The following CABCOCO1 variants were observed in gnomAD, a reference collection of about 807,000 sequenced individuals.
CABCOCO1 encodes ciliary associated calcium binding coiled-coil 1, also known as ciliary-associated calcium-binding coiled-coil protein 1.
CABCOCO1 carries 28 observed loss-of-function variants against 35.7 expected under a neutral mutation model. The ratio of observed to expected loss-of-function variants is 0.78; its 90% CI spans 0.58 to 1.07. CABCOCO1 has a LOEUF of 1.07. Ranked by LOEUF, CABCOCO1 falls within the 50% of genes least tolerant of loss-of-function variation. CABCOCO1 has a pLI of 0.00. For synonymous variants in CABCOCO1, 95 were observed against 100.1 expected (o/e 0.95, Z 0.30); for missense variants, 326 against 309.2 (o/e 1.05, Z -0.41).
At chr10:61,668,329 G>C (rs1316123400) in intron 1 of CABCOCO1, among the ~76,000 whole-genome samples, 4 of 151,814 alleles carry the variant, frequency 2.6e-5, no homozygotes, top group African/African-American at 9.7e-5. Flanking sequence ...TGTTAGTTCA[G>C]GGTTTTGTGT....
At position 61,714,772 on chromosome 10, in the gene CABCOCO1, C is replaced by T. The variant is rs145193831; in HGVS notation, c.552+24151C>T. ...TTCTGCCTTCATTTCGTTATTTACC[C>T]TGTAATCATTCAGGAGCAAGTTGTT... On this transcript the variant is annotated intron_variant, in intron 5 of 7. Transcript: ENST00000648843. Among the ~76,000 whole-genome samples the T allele has an allele frequency of 2.7e-3, 418 of 152,276 alleles. 18 individuals are homozygous for T. In the East Asian group the frequency reaches 0.076, roughly 28 times the overall value.
chr10:61,706,887 T>C (rs973255244), intron 5 of CABCOCO1, among the ~76,000 whole-genome samples: 1 of 152,256 alleles, frequency 6.6e-6, no homozygotes, highest in Middle Eastern at 3.4e-3. Context: ...TCCTTCCCCT[T>C]TCCCAATCAC....
In CABCOCO1 at chr10:61,672,769, G is replaced by A. The variant is rs60189818; in HGVS notation, c.164+34G>A. 7,320 of 977,522 alleles carry A rather than the reference G, an allele frequency of 7.5e-3. 423 individuals are homozygous for A. The African/African-American group carries it at 0.12, about 16-fold the overall frequency. The allele number at this position is 977,522 out of a possible 1,614,324, so 60.6% of individuals were successfully genotyped here. A position where few individuals can be genotyped will look rare whatever the true frequency, so the allele number is the denominator to read the frequency against. ...TTCACTATTACAATCACATGTAGAA[G>A]AACAGTTCGAGTTCTGCATCTGTAA... On this transcript the variant is annotated intron_variant, in intron 2 of 7. Coordinates refer to ENST00000648843, the MANE Select transcript of CABCOCO1 (RefSeq NM_001366906.2).
chr10:61,704,103 A>C (rs1390316168), intron 5 of CABCOCO1, among the ~76,000 whole-genome samples: 1 of 152,044 alleles, frequency 6.6e-6, no homozygotes, highest in Non-Finnish European at 1.5e-5. Flanking sequence ...AGGCACCTGC[A>C]ATCCCAGCTA....
At chr10:61,685,779 A>G (rs549738305) in intron 3 of CABCOCO1, among the ~76,000 whole-genome samples, 25 of 152,006 alleles carry the variant, frequency 1.6e-4, no homozygotes, top group Non-Finnish European at 3.7e-4. Context: ...CTTGGCTGGT[A>G]CTCTAACTCA....
chr10:61,687,544 CA>C (rs1466379733), intron 4 of CABCOCO1, among the ~76,000 whole-genome samples: 1 of 152,176 alleles, frequency 6.6e-6, no homozygotes, highest in East Asian at 1.9e-4. Flanking sequence ...ACAAGGGCCA[CA>C]AAACCCATGC....
chr10:61,751,119 C>T (rs35824076), intron 5 of CABCOCO1, among the ~76,000 whole-genome samples: 2,373 of 152,150 alleles, frequency 0.016, 39 homozygotes, highest in East Asian at 0.047. Flanking sequence ...GGAAAAGCTC[C>T]CCCAGCAGAG....
rs192102132 is a variant in CABCOCO1 at position 61,706,566 on chromosome 10, A to G, written c.552+15945A>G. Among the ~76,000 whole-genome samples, 604 of 152,284 alleles carry G rather than the reference A, an allele frequency of 4.0e-3. 4 individuals carry two copies. Among genetic ancestry groups the G allele is most frequent in the Middle Eastern group, 0.034 (10 of 294 alleles). ...TAGCTGCTTCCCAAATGCGTTTTAA[A>G]TAACATAAACAGTCCTATGTTAAAT... On this transcript the variant is annotated intron_variant, in intron 5 of 7. Coordinates refer to ENST00000648843, the MANE Select transcript of CABCOCO1 (RefSeq NM_001366906.2).
At chr10:61,668,469 T>G (rs1463494920) in intron 1 of CABCOCO1, among the ~76,000 whole-genome samples, 1 of 152,006 alleles carries the variant, frequency 6.6e-6, no homozygotes, top group Admixed American at 6.6e-5. Context: ...TGGTGACTTT[T>G]TAGAAAGCAG....
chr10:61,731,417 A>G lies in CABCOCO1; in HGVS notation c.553-28642A>G, dbSNP rs143102717. Among the ~76,000 whole-genome samples the G allele has an allele frequency of 1.6e-3, 249 of 152,052 alleles. 1 individual carries two copies. The highest frequency in any genetic ancestry group is 1.5e-3 in the Non-Finnish European group (103 of 67,960). The stretch of plus-strand genomic sequence containing the variant: ...TCCTCTGAGGAGGCATGGTTCTTTC[A>G]GTCCTTCACCTGAAGATGAAACCCA... On this transcript the variant is annotated intron_variant, in intron 5 of 7. Coordinates refer to ENST00000648843, the MANE Select transcript of CABCOCO1 (RefSeq NM_001366906.2).
At chr10:61,754,480 G>C (rs1179725303) in intron 5 of CABCOCO1, among the ~76,000 whole-genome samples, 1 of 152,048 alleles carries the variant, frequency 6.6e-6, no homozygotes, top group Non-Finnish European at 1.5e-5. Flanking sequence ...GGAATACTCA[G>C]ATTTCTTTCC....
intron 5 of CABCOCO1, among the ~76,000 whole-genome samples, chr10:61,703,525 T>A (rs12761157): frequency 0.12 from 17,799 of 152,134 alleles, 1,376 homozygotes; most frequent in East Asian, 0.19. Context: ...TATAACATAC[T>A]AATATTCATG....
Position 61,760,191 on chromosome 10 carries a change from T to G in CABCOCO1, c.675+10T>G. The G allele has an allele frequency of 1.2e-6, 2 of 1,610,000 alleles. No homozygotes were observed. The highest frequency in any genetic ancestry group is 1.7e-6 in the Non-Finnish European group (2 of 1,177,004). On this transcript the variant is annotated intron_variant, in intron 6 of 7. Coordinates refer to ENST00000648843, the MANE Select transcript of CABCOCO1 (RefSeq NM_001366906.2). The stretch of plus-strand genomic sequence containing the variant: ...GGATACGGAAATGAAGGTATATTTC[T>G]TTTTGTCTTTCCATTCACCCTACCT...
At chr10:61,674,949 A>G (rs1309217178) in intron 2 of CABCOCO1, among the ~76,000 whole-genome samples, 2 of 152,176 alleles carry the variant, frequency 1.3e-5, no homozygotes, top group African/African-American at 4.8e-5. Flanking sequence ...ACACTGAGAC[A>G]TTTTTAATAA....
At position 61,720,063 on chromosome 10, in the gene CABCOCO1, C is replaced by T. The variant is rs1840965222; in HGVS notation, c.552+29442C>T. 2.0e-5 allele frequency among the ~76,000 whole-genome samples: 3 copies of T among 151,812 alleles called. No individual in the cohort carries two copies. In the South Asian group the frequency reaches 6.2e-4, roughly 32 times the overall value. ...GCCGTCTCTGAAGGAAACAGTAGAA[C>T]GAATGGAATAAAAAATCATTCAAAG... On this transcript the variant is annotated intron_variant, in intron 5 of 7. Coordinates refer to ENST00000648843, the MANE Select transcript of CABCOCO1 (RefSeq NM_001366906.2).
chr10:61,686,000 T>C (rs765126891), intron 3 of CABCOCO1, 41 bp from the exon 4 acceptor site: 2 of 1,531,892 alleles, frequency 1.3e-6, no homozygotes, highest in South Asian at 1.2e-5. Context: ...TGAAAACATC[T>C]ATCAAAATAA....
At chr10:61,670,116 G>T (rs1839312572) in intron 1 of CABCOCO1, among the ~76,000 whole-genome samples, 2 of 151,992 alleles carry the variant, frequency 1.3e-5, no homozygotes, top group African/African-American at 4.8e-5. Context: ...ATCAAGAACT[G>T]CAGAATCCTA....
intron 2 of CABCOCO1, among the ~76,000 whole-genome samples, chr10:61,678,586 A>C (rs1449452395): frequency 2.6e-5 from 4 of 152,158 alleles, no homozygotes; most frequent in African/African-American, 9.7e-5. Context: ...GAGATAGATT[A>C]ACTTCAAAGT....
chr10:61,758,345 T>C (rs1841940990), intron 5 of CABCOCO1, among the ~76,000 whole-genome samples: 1 of 151,902 alleles, frequency 6.6e-6, no homozygotes, highest in Admixed American at 6.6e-5. Context: ...TAAAGAGCAA[T>C]AGAAGGTAAA....
Sources: gnomAD v4.1 joint callset for allele counts (sites outside exome capture counted in the v4.1 genomes callset) on GRCh38, gnomAD v4.1.1 for gene constraint, MANE v1.5 for transcripts, NCBI Gene and HGNC (gene_info 2026-07-23, HGNC 2026-07-21) for gene names.